TRPC4: variants seen among roughly 807,000 people sequenced by gnomAD.
TRPC4 encodes short transient receptor potential channel 4.
A neutral mutation model predicts 99.4 loss-of-function variants in TRPC4; 49 were observed. The ratio of observed to expected loss-of-function variants is 0.49; its 90% CI spans 0.39 to 0.63. TRPC4 has a LOEUF of 0.63. TRPC4 is among the 20% of genes least tolerant of loss of function. The pLI is 0.00. For synonymous variants in TRPC4, 454 were observed against 425.9 expected (o/e 1.07, Z -0.81); for missense variants, 898 against 1,152.9 (o/e 0.78, Z 3.20).
At chr13:37,706,377 G>A (rs576847632) in intron 3 of TRPC4, among the ~76,000 whole-genome samples, 6 of 152,224 alleles carry the variant, frequency 3.9e-5, no homozygotes, top group Non-Finnish European at 8.8e-5. Context: ...TTAACATAAT[G>A]TGAAATAGTC....
intron 8 of TRPC4, among the ~76,000 whole-genome samples, chr13:37,647,473 A>G (rs950623273): frequency 5.3e-5 from 8 of 152,212 alleles, no homozygotes; most frequent in African/African-American, 1.7e-4. Context: ...GAGAACAATC[A>G]AAAGACACAA....
chr13:37,643,933 AC>A (rs892750380), intron 8 of TRPC4, among the ~76,000 whole-genome samples: 39 of 152,228 alleles, frequency 2.6e-4, no homozygotes, highest in Admixed American at 2.4e-3. Flanking sequence ...CTCGGTCTTC[AC>A]ATGGCCATGT....
In TRPC4 at chr13:37,765,371, C is replaced by T. The variant is rs868473172; in HGVS notation, c.378+17585G>A. Among the ~76,000 whole-genome samples the T allele has an allele frequency of 2.2e-4, 33 of 151,426 alleles. No individual in the cohort carries two copies. In the Middle Eastern group the frequency reaches 0.01, roughly 47 times the overall value. Reference sequence around the variant, plus strand: ...TAAGCTTTATAGTCTTGTTCATGTGCAACCAAACCAGTAACACTGGCAAAA... The same window carrying T: ...TAAGCTTTATAGTCTTGTTCATGTGTAACCAAACCAGTAACACTGGCAAAA... On this transcript the variant is annotated intron_variant, in intron 2 of 10. Transcript: ENST00000379705.
chr13:37,693,079 G>GGA (rs72521337), intron 3 of TRPC4, among the ~76,000 whole-genome samples: 2 of 151,518 alleles, frequency 1.3e-5, no homozygotes, highest in African/African-American at 4.8e-5. Context: ...TGTATGTTAA[G>GGA]GTTACATATC....
rs1311089730 is a variant in TRPC4 at position 37,634,159 on chromosome 13, G to A, written c.*2744C>T. Among the ~76,000 whole-genome samples the A allele has an allele frequency of 6.6e-6, 1 of 152,060 alleles. No homozygotes were observed. Among genetic ancestry groups the A allele is most frequent in the East Asian group, 1.9e-4 (1 of 5,204 alleles). ...AATGAAGGTAATTTCAAAGTTCTCT[G>A]TAGCATTTAGAAATTTCTGTGGATA... On this transcript the variant is annotated 3_prime_UTR_variant, in exon 11 of 11. Transcript: ENST00000379705.
At chr13:37,780,636 G>A (rs1566165838) in intron 2 of TRPC4, among the ~76,000 whole-genome samples, 1 of 151,988 alleles carries the variant, frequency 6.6e-6, no homozygotes, top group Non-Finnish European at 1.5e-5. Flanking sequence ...CCTTCCTTAG[G>A]AAATGAATTA....
intron 1 of TRPC4, among the ~76,000 whole-genome samples, chr13:37,862,920 G>A (rs998606412): frequency 6.6e-6 from 1 of 151,234 alleles, no homozygotes; most frequent in African/African-American, 2.4e-5. Flanking sequence ...TATACATGAC[G>A]GTGGGCCCAT....
At chr13:37,786,596 T>C (rs1956976937) in intron 1 of TRPC4, among the ~76,000 whole-genome samples, 1 of 152,072 alleles carries the variant, frequency 6.6e-6, no homozygotes, top group African/African-American at 2.4e-5. Context: ...TGCTACTGGA[T>C]AGAAAGGCTA....
chr13:37,709,326 A>G (rs1469077722), intron 3 of TRPC4, among the ~76,000 whole-genome samples: 2 of 152,078 alleles, frequency 1.3e-5, no homozygotes, highest in African/African-American at 2.4e-5. Context: ...CCAAAACATC[A>G]TGAGGAAGTG....
At chr13:37,666,207 T>G (rs1418072658) in intron 5 of TRPC4, among the ~76,000 whole-genome samples, 1 of 152,192 alleles carries the variant, frequency 6.6e-6, no homozygotes, top group African/African-American at 2.4e-5. Flanking sequence ...CTTTCTCTTT[T>G]CTTCTCCAGG....
chr13:37,672,229 T>C (rs1952873578), intron 5 of TRPC4, among the ~76,000 whole-genome samples: 1 of 152,140 alleles, frequency 6.6e-6, no homozygotes, highest in South Asian at 2.1e-4. Flanking sequence ...TATGAAAAAA[T>C]ACATGTACTA....
intron 3 of TRPC4, among the ~76,000 whole-genome samples, chr13:37,725,059 A>AT (rs1313183855): frequency 3.3e-5 from 5 of 152,166 alleles, no homozygotes; most frequent in Admixed American, 1.3e-4. Flanking sequence ...TCAATAAAGA[A>AT]TTTTTTAAAA....
At chr13:37,855,894 G>A (rs1405723504) in intron 1 of TRPC4, among the ~76,000 whole-genome samples, 1 of 151,774 alleles carries the variant, frequency 6.6e-6, no homozygotes. Context: ...GTACTAAGAG[G>A]AAAGTTTATA....
At chr13:37,737,610 A>AC (rs1438326680) in intron 3 of TRPC4, among the ~76,000 whole-genome samples, 3 of 152,074 alleles carry the variant, frequency 2.0e-5, no homozygotes, top group African/African-American at 7.2e-5. Context: ...AGTAGCTGGG[A>AC]CTACAGGCAC....
intron 7 of TRPC4, among the ~76,000 whole-genome samples, chr13:37,654,448 C>T (rs1952156929): frequency 6.6e-6 from 1 of 152,164 alleles, no homozygotes; most frequent in Non-Finnish European, 1.5e-5. Flanking sequence ...TTGTGCATTG[C>T]TGTATTTCTG....
At chr13:37,742,281 T>C (rs1438127951) in intron 3 of TRPC4, among the ~76,000 whole-genome samples, 1 of 152,154 alleles carries the variant, frequency 6.6e-6, no homozygotes, top group Non-Finnish European at 1.5e-5. Context: ...ACATTAATTG[T>C]TTTAATATGT....
intron 1 of TRPC4, among the ~76,000 whole-genome samples, chr13:37,826,832 TG>T (rs1566201900): frequency 6.6e-6 from 1 of 152,194 alleles, no homozygotes; most frequent in Non-Finnish European, 1.5e-5. Flanking sequence ...CTTGCTAGAT[TG>T]GGGAAGTTCT....
At chr13:37,819,079 A>G (rs2139520371) in intron 1 of TRPC4, among the ~76,000 whole-genome samples, 1 of 152,210 alleles carries the variant, frequency 6.6e-6, no homozygotes, top group South Asian at 2.1e-4. Flanking sequence ...TATGAAAAAA[A>G]GCTTAATATC....
At chr13:37,797,901 T>C (rs1007994521) in intron 1 of TRPC4, among the ~76,000 whole-genome samples, 2 of 152,166 alleles carry the variant, frequency 1.3e-5, no homozygotes, top group East Asian at 1.9e-4. Flanking sequence ...CCCTATGACA[T>C]TGTGATCATT....
Sources: gnomAD v4.1 joint callset for allele counts (sites outside exome capture counted in the v4.1 genomes callset) on GRCh38, gnomAD v4.1.1 for gene constraint, MANE v1.5 for transcripts, NCBI Gene and HGNC (gene_info 2026-07-23, HGNC 2026-07-21) for gene names.